The following LRRC4C variants were observed in gnomAD, a reference collection of about 807,000 sequenced individuals.
LRRC4C encodes the protein leucine rich repeat containing 4C.
LRRC4C carries 5 observed loss-of-function variants against 33.6 expected under a neutral mutation model. The ratio of observed to expected loss-of-function variants is 0.15; its 90% CI spans 0.08 to 0.31. LRRC4C has a LOEUF of 0.31. Among genes scored for constraint, LRRC4C ranks in the 10% least tolerant of loss-of-function variants. LRRC4C has a pLI of 1.00. For synonymous variants in LRRC4C, 329 were observed against 302.0 expected (o/e 1.09, Z -0.93); for missense variants, 560 against 796.7 (o/e 0.70, Z 3.58).
At chr11:41,445,219 G>T (rs1955783476) in intron 1 of LRRC4C, among the ~76,000 whole-genome samples, 1 of 152,138 alleles carries the variant, frequency 6.6e-6, no homozygotes, top group African/African-American at 2.4e-5. Context: ...TCCTTCCCAT[G>T]TTCCAGAAGA....
chr11:41,125,098 C>A (rs1156478442), intron 1 of LRRC4C, among the ~76,000 whole-genome samples: 5 of 152,006 alleles, frequency 3.3e-5, no homozygotes, highest in South Asian at 4.2e-4. Context: ...TTATATAGCC[C>A]CACCCAGAAT....
intron 1 of LRRC4C, among the ~76,000 whole-genome samples, chr11:41,179,165 A>C (rs1188001154): frequency 6.6e-6 from 1 of 151,816 alleles, no homozygotes; most frequent in East Asian, 1.9e-4. Flanking sequence ...CATTTAGAAA[A>C]GGAAGCAATC....
intron 1 of LRRC4C, among the ~76,000 whole-genome samples, chr11:41,201,328 T>C (rs1449597862): frequency 1.3e-5 from 2 of 152,154 alleles, no homozygotes; most frequent in African/African-American, 4.8e-5. Context: ...TTTAGGGAGC[T>C]CGTGTTCCCA....
intron 1 of LRRC4C, among the ~76,000 whole-genome samples, chr11:41,389,054 A>G (rs953835889): frequency 1.3e-5 from 2 of 151,920 alleles, no homozygotes; most frequent in Non-Finnish European, 2.9e-5. Flanking sequence ...TATTTTAAAA[A>G]GAAAAAAATA....
chr11:40,173,249 CTA>C (rs1860195923), intron 5 of LRRC4C, among the ~76,000 whole-genome samples: 2 of 152,132 alleles, frequency 1.3e-5, no homozygotes, highest in Admixed American at 6.5e-5. Flanking sequence ...GAAATTAATG[CTA>C]TGTTTTCATT....
chr11:41,282,414 A>T (rs1306181706), intron 1 of LRRC4C, among the ~76,000 whole-genome samples: 1 of 152,162 alleles, frequency 6.6e-6, no homozygotes, highest in African/African-American at 2.4e-5. Context: ...ACCCTCTTCA[A>T]ATATTAGGAA....
chr11:41,279,352 C>T (rs1949581555), intron 1 of LRRC4C, among the ~76,000 whole-genome samples: 1 of 149,312 alleles, frequency 6.7e-6, no homozygotes, highest in African/African-American at 2.5e-5. Flanking sequence ...ACTCATCTCT[C>T]ATTCCATCCC....
chr11:40,662,905 A>G (rs72894670), intron 2 of LRRC4C, among the ~76,000 whole-genome samples: 1,648 of 152,288 alleles, frequency 0.011, 14 homozygotes, highest in Non-Finnish European at 0.016. Flanking sequence ...CTCTATAAAT[A>G]TTGGATATTT....
chr11:40,138,837 T>C (rs1393683459), intron 6 of LRRC4C, among the ~76,000 whole-genome samples: 1 of 152,190 alleles, frequency 6.6e-6, no homozygotes, highest in Non-Finnish European at 1.5e-5. Flanking sequence ...AATATCATTC[T>C]GGGTTGAATA....
chr11:40,366,195 G>A (rs1171246515), intron 3 of LRRC4C, among the ~76,000 whole-genome samples: 3 of 151,986 alleles, frequency 2.0e-5, no homozygotes, highest in African/African-American at 7.2e-5. Flanking sequence ...CAGAAACAGT[G>A]GAGAAAATAA....
intron 5 of LRRC4C, among the ~76,000 whole-genome samples, chr11:40,204,337 A>G (rs183284655): frequency 2.0e-5 from 3 of 152,190 alleles, no homozygotes; most frequent in Admixed American, 6.5e-5. Context: ...CCTTTCCTTC[A>G]GCTTGCCTAA....
At chr11:40,757,156 C>A (rs1351226259) in intron 2 of LRRC4C, among the ~76,000 whole-genome samples, 1 of 151,968 alleles carries the variant, frequency 6.6e-6, no homozygotes, top group Non-Finnish European at 1.5e-5. Flanking sequence ...TACCTGCTTT[C>A]TGTTGAGAAT....
At chr11:40,344,313 A>G (rs1022840067) in intron 3 of LRRC4C, among the ~76,000 whole-genome samples, 3 of 152,158 alleles carry the variant, frequency 2.0e-5, no homozygotes, top group Non-Finnish European at 4.4e-5. Flanking sequence ...ATGATCAAGT[A>G]AGCTTTATCC....
intron 1 of LRRC4C, among the ~76,000 whole-genome samples, chr11:41,306,966 G>A (rs1219994581): frequency 1.3e-5 from 2 of 152,184 alleles, no homozygotes; most frequent in Admixed American, 6.5e-5. Context: ...TAACTAAATG[G>A]CATCCCAGAC....
intron 2 of LRRC4C, among the ~76,000 whole-genome samples, chr11:40,694,660 A>G (rs1945400233): frequency 6.6e-6 from 1 of 152,152 alleles, no homozygotes; most frequent in Admixed American, 6.6e-5. Flanking sequence ...CAAGGCAACA[A>G]AGTGTCTTAG....
intron 1 of LRRC4C, among the ~76,000 whole-genome samples, chr11:41,315,566 T>C (rs549247484): frequency 6.6e-6 from 1 of 152,298 alleles, no homozygotes; most frequent in African/African-American, 2.4e-5. Flanking sequence ...AAGTGAGTTC[T>C]CCAACCCCAG....
In LRRC4C at chr11:40,296,354, C is replaced by T. The variant is rs541493730; in HGVS notation, c.-176+23274G>A. 1.0e-3 allele frequency among the ~76,000 whole-genome samples: 153 copies of T among 152,228 alleles called. 1 individual carries two copies. Among genetic ancestry groups the T allele is most frequent in the African/African-American group, 3.4e-3 (143 of 41,542 alleles). On this transcript the variant is annotated intron_variant, in intron 4 of 6. Coordinates refer to ENST00000528697, the MANE Select transcript of LRRC4C (RefSeq NM_001258419.2). The stretch of plus-strand genomic sequence containing the variant: ...TGGCATGGTTTTTTGTTACACTTTT[C>T]TCATATATATCACCTTATTTAGTAC...
At chr11:41,181,648 G>A (rs771868846) in intron 1 of LRRC4C, among the ~76,000 whole-genome samples, 1 of 152,126 alleles carries the variant, frequency 6.6e-6, no homozygotes, top group Non-Finnish European at 1.5e-5. Flanking sequence ...ATTAGTAGTT[G>A]AACAAAAGAG....
Position 41,134,937 on chromosome 11 carries a change from T to C in LRRC4C, c.-495-201214A>G, listed in dbSNP as rs537587004. 2.0e-5 allele frequency among the ~76,000 whole-genome samples: 3 copies of C among 152,232 alleles called. No homozygotes were observed. In the South Asian group the frequency reaches 6.2e-4, roughly 32 times the overall value. On this transcript the variant is annotated intron_variant, in intron 1 of 6. Coordinates refer to ENST00000528697, the MANE Select transcript of LRRC4C (RefSeq NM_001258419.2). ...CACCCCAAGCCATTTGTTTTAGTAATACAACTATCATTATTTGAAAGCTGA... is the reference window on the plus strand; with the variant it reads ...CACCCCAAGCCATTTGTTTTAGTAACACAACTATCATTATTTGAAAGCTGA...
Sources: allele counts gnomAD v4.1 joint callset (sites outside exome capture counted in the v4.1 genomes callset), GRCh38; gene constraint gnomAD v4.1.1; transcripts MANE v1.5; gene names NCBI Gene and HGNC (gene_info 2026-07-23, HGNC 2026-07-21).